The following PRR14L variants were observed in gnomAD, a reference collection of about 807,000 sequenced individuals.
The protein encoded by PRR14L is protein PRR14L.
A neutral mutation model predicts 155.0 loss-of-function variants in PRR14L; 80 were observed. The ratio of observed to expected loss-of-function variants is 0.52; its 90% confidence interval spans 0.43 to 0.62. The LOEUF (loss-of-function observed/expected upper bound fraction) is 0.62. PRR14L is among the 20% of genes least tolerant of loss of function. The pLI is 0.00. For missense variants in PRR14L, 2,469 were observed against 2,548.0 expected, an observed-to-expected ratio of 0.97 and a Z score of 0.67; for synonymous variants, 883 against 916.0, an observed-to-expected ratio of 0.96 and a Z score of 0.65.
At chr22:31,700,204 T>A (rs555410623) in intron 7 of PRR14L, among the ~76,000 whole-genome samples, 3 of 152,312 alleles carry the variant, frequency 2.0e-5, no homozygotes, top group African/African-American at 4.8e-5. Context: ...GTGGAAATAA[T>A]TGAATGACTT....
Position 31,713,400 on chromosome 22 carries a change from G to C in PRR14L, c.4439C>G (p.Thr1480Ser), listed in dbSNP as rs1166535748. Residue 1480 changes from threonine to serine, a missense_variant, in exon 4 of 9, where the codon ACT becomes AGT. Coordinates refer to ENST00000327423, the MANE Select transcript of PRR14L (RefSeq NM_173566.3). ...AAGGCAAGGACTTGTGCATGACTCA[G>C]TGTCCTTCCTTAATGGATGATGTAA... is the stretch of plus-strand genomic sequence containing the variant. The part of the protein sequence containing the change: ...ERLHHPLRKD[T>S]ESCTSPCLLG... 1.1e-5 allele frequency: 17 copies of C among 1,551,946 alleles called. No individual in the cohort carries two copies. Among genetic ancestry groups the C allele is most frequent in the Non-Finnish European group, 1.5e-5 (17 of 1,147,050 alleles).
At position 31,723,060 on chromosome 22, in the gene PRR14L, A is replaced by G. The variant is rs183198407; in HGVS notation, c.547+2478T>C. ...GCTATGACTGGCTATGACTTTGGAC[A>G]GCTGAGCCTGCTTCCTCACATGCAA... On this transcript the variant is annotated intron_variant, in intron 3 of 8. Coordinates refer to ENST00000327423, the MANE Select transcript of PRR14L (RefSeq NM_173566.3). Among the ~76,000 whole-genome samples the G allele has an allele frequency of 5.8e-3, 878 of 152,268 alleles. 12 individuals are homozygous for G. Among genetic ancestry groups the G allele is most frequent in the African/African-American group, 0.02 (824 of 41,562 alleles).
At chr22:31,692,845 G>A (rs542696932) in intron 7 of PRR14L, among the ~76,000 whole-genome samples, 2 of 151,926 alleles carry the variant, frequency 1.3e-5, no homozygotes, top group Non-Finnish European at 2.9e-5. Flanking sequence ...GTCTCATGCT[G>A]CCCGGGCTGG....
chr22:31,700,831 G>GGC (rs2074559357), intron 7 of PRR14L, among the ~76,000 whole-genome samples: 1 of 152,198 alleles, frequency 6.6e-6, no homozygotes, highest in South Asian at 2.1e-4. Context: ...TGGGATTACA[G>GGC]GCGTGAGCCA....
Position 31,703,783 on chromosome 22 carries a change from ACTTCTT to A in PRR14L, c.5829-68_5829-63del, listed in dbSNP as rs1016376839. Reference sequence around the variant, plus strand: ...TCCCTTTCTACTTCCAGCACATTCAACTTCTTCTTCTTCATTTTTTTTTTTTTTTTT... The same window carrying A: ...TCCCTTTCTACTTCCAGCACATTCAACTTCTTCATTTTTTTTTTTTTTTTT... On this transcript the variant is annotated intron_variant, in intron 5 of 8. Coordinates refer to ENST00000327423, the MANE Select transcript of PRR14L (RefSeq NM_173566.3). 12 of 1,064,164 alleles carry A rather than the reference ACTTCTT, an allele frequency of 1.1e-5. No homozygotes were observed. The East Asian group carries it at 2.0e-4, about 18-fold the overall frequency. The allele number at this position is 1,064,164 out of a possible 1,614,324, so 65.9% of individuals were successfully genotyped here.
In PRR14L at chr22:31,738,373, A is replaced by C. The variant is rs2074794204; in HGVS notation, c.474+14T>G. 1 of 1,544,642 alleles carries C rather than the reference A, an allele frequency of 6.5e-7. No individual in the cohort carries two copies. Among genetic ancestry groups the C allele is most frequent in the Non-Finnish European group, 8.8e-7 (1 of 1,141,196 alleles). ...TCACACTCAACTCTTCGGAATGGAG[A>C]TTTCATTTCTTACCTGACTCGGGCT... On this transcript the variant is annotated intron_variant, in intron 2 of 8. Transcript: ENST00000327423.
chr22:31,721,258 A>G (rs9619228), intron 3 of PRR14L, among the ~76,000 whole-genome samples: 2,411 of 152,324 alleles, frequency 0.016, 69 homozygotes, highest in African/African-American at 0.054. Context: ...CCCTACAGCA[A>G]TCAAGAAATA....
chr22:31,741,843 G>A (rs1569501129), intron 1 of PRR14L, among the ~76,000 whole-genome samples: 1 of 152,248 alleles, frequency 6.6e-6, no homozygotes. Flanking sequence ...CTGCACTCCA[G>A]CCTGGGTGAC....
Position 31,738,904 on chromosome 22 carries a change from G to C in PRR14L, c.-44C>G. ...TGGAGTCAAGTCTTTTACATCAAATGATTCACCCTGACACAAATCACAGGA... is the reference window on the plus strand; with the variant it reads ...TGGAGTCAAGTCTTTTACATCAAATCATTCACCCTGACACAAATCACAGGA... On this transcript the variant is annotated 5_prime_UTR_variant, in exon 2 of 9. In the 5' UTR this introduces an upstream ATG that the reference lacks. Coordinates refer to ENST00000327423, the MANE Select transcript of PRR14L (RefSeq NM_173566.3). 1 of 1,285,628 alleles carries C rather than the reference G, an allele frequency of 7.8e-7. No homozygotes were observed. Among genetic ancestry groups the C allele is most frequent in the Non-Finnish European group, 1.1e-6 (1 of 933,866 alleles). 79.6% of individuals were successfully genotyped at this position (1,285,628 alleles called of 1,614,324 possible).
At chr22:31,692,735 A>G (rs1227642360) in intron 7 of PRR14L, among the ~76,000 whole-genome samples, 1 of 152,124 alleles carries the variant, frequency 6.6e-6, no homozygotes, top group Non-Finnish European at 1.5e-5. Context: ...TTGAAATCCT[A>G]GACTCAGTGA....
At chr22:31,740,125 A>G (rs1329359397) in intron 1 of PRR14L, among the ~76,000 whole-genome samples, 1 of 152,064 alleles carries the variant, frequency 6.6e-6, no homozygotes, top group Non-Finnish European at 1.5e-5. Context: ...CCATGGTGCA[A>G]TCGTTCCTCA....
Position 31,701,730 on chromosome 22 carries a change from TGA to T in PRR14L, c.6031_6032del (p.Ser2011ThrfsTer10). 6.2e-7 allele frequency: 1 copy of T among 1,614,108 alleles called. No homozygotes were observed. Among genetic ancestry groups the T allele is most frequent in the East Asian group, 2.2e-5 (1 of 44,890 alleles). On this transcript the variant is annotated frameshift_variant, in exon 7 of 9. Transcript: ENST00000327423. LOFTEE classifies it high-confidence loss of function. ...GAATGGTTTTCCGGATGCGAATCTG[TGA>T]GACTTTCTTTGGCCTCTTCTCTGGC... ...AEPEKRPKKV[S>X]QIRIRKTIPR...
intron 1 of PRR14L, among the ~76,000 whole-genome samples, chr22:31,743,119 G>A (rs1159254682): frequency 2.0e-5 from 3 of 152,076 alleles, no homozygotes; most frequent in East Asian, 1.9e-4. Context: ...TGGGTAACAC[G>A]GTGACACCCC....
At chr22:31,691,273 T>C (rs753890370) in intron 7 of PRR14L, among the ~76,000 whole-genome samples, 3 of 151,988 alleles carry the variant, frequency 2.0e-5, no homozygotes, top group Non-Finnish European at 4.4e-5. Flanking sequence ...TAAAAACTAT[T>C]TTTGGTAGAG....
Position 31,713,098 on chromosome 22 carries a change from C to T in PRR14L, c.4741G>A (p.Ala1581Thr), listed in dbSNP as rs1348287577. ...SAPTRLEPET[A>T]PTKSLVSHIP... ...TGACTAACCAAGCTCTTGGTAGGTG[C>T]TGTTTCAGGTTCTAATCGTGTAGGT... is the stretch of plus-strand genomic sequence containing the variant. The change falls in exon 4 of 9, where the codon GCA becomes ACA. Residue 1581 changes from alanine to threonine, a missense_variant. Transcript: ENST00000327423. The T allele has an allele frequency of 7.1e-6, 11 of 1,552,170 alleles. No homozygotes were observed. Among genetic ancestry groups the T allele is most frequent in the South Asian group, 1.2e-5 (1 of 84,052 alleles).
intron 6 of PRR14L, 85 bp downstream of exon 6, chr22:31,703,465 A>G: frequency 7.7e-7 from 1 of 1,303,088 alleles, no homozygotes. Context: ...CTCAGAAGCC[A>G]GTCTGTAGCT....
intron 7 of PRR14L, among the ~76,000 whole-genome samples, chr22:31,694,438 A>G (rs561097045): frequency 1.1e-3 from 164 of 152,128 alleles, no homozygotes; most frequent in Middle Eastern, 3.4e-3. Flanking sequence ...CCTGACCAAC[A>G]TGGTGAAACC....
Position 31,738,590 on chromosome 22 carries a change from G to A in PRR14L, c.271C>T (p.Arg91Ter), listed in dbSNP as rs1321147461. The A allele has an allele frequency of 4.5e-6, 7 of 1,551,786 alleles. No homozygotes were observed. Among genetic ancestry groups the A allele is most frequent in the Non-Finnish European group, 6.1e-6 (7 of 1,147,080 alleles). Residue 91 changes from arginine (R) to a stop codon, truncating the protein, a stop_gained, in exon 2 of 9, where the codon CGA becomes TGA. Transcript: ENST00000327423. LOFTEE classifies it high-confidence loss of function. The part of the protein sequence containing the change: ...ETLDHGSEPG[R>*]CGLVDSTAGG... ...GCTGTGGAGTCCACTAGCCCACATC[G>A]CCCAGGCTCACTCCCATGATCCAAG...
intron 3 of PRR14L, among the ~76,000 whole-genome samples, chr22:31,719,184 C>T (rs1379122685): frequency 6.6e-6 from 1 of 151,960 alleles, no homozygotes; most frequent in African/African-American, 2.4e-5. Flanking sequence ...AGAAGGAATG[C>T]TTGAGCCCAG....
Sources: gnomAD v4.1 joint callset for allele counts (sites outside exome capture counted in the v4.1 genomes callset) on GRCh38, gnomAD v4.1.1 for gene constraint, MANE v1.5 for transcripts, NCBI Gene and HGNC (gene_info 2026-07-23, HGNC 2026-07-21) for gene names.